LRRC4C: variants seen among roughly 807,000 people sequenced by gnomAD.
The protein encoded by LRRC4C is leucine-rich repeat-containing protein 4C.
LRRC4C carries 5 observed loss-of-function variants against 33.6 expected under a neutral mutation model. That is an observed-to-expected ratio of 0.15 (90% confidence interval 0.08 to 0.31). The LOEUF is 0.31. LRRC4C is among the 10% of genes least tolerant of loss of function. LRRC4C has a pLI of 1.00. For synonymous variants in LRRC4C, 329 were observed against 302.0 expected (o/e 1.09, Z -0.93); for missense variants, 560 against 796.7 (o/e 0.70, Z 3.58).
At chr11:40,956,088 C>T (rs1176000646) in intron 1 of LRRC4C, among the ~76,000 whole-genome samples, 2 of 151,654 alleles carry the variant, frequency 1.3e-5, no homozygotes, top group Non-Finnish European at 2.9e-5. Context: ...GATGAGAAAG[C>T]GAGGTTGAGG....
At chr11:41,029,882 C>T (rs1180464102) in intron 1 of LRRC4C, among the ~76,000 whole-genome samples, 1 of 151,686 alleles carries the variant, frequency 6.6e-6, no homozygotes, top group African/African-American at 2.4e-5. Context: ...CGGGAAAACA[C>T]AAGGAAGCCA....
chr11:41,261,758 CA>C (rs1305089682), intron 1 of LRRC4C, among the ~76,000 whole-genome samples: 3 of 152,042 alleles, frequency 2.0e-5, no homozygotes, highest in African/African-American at 7.2e-5. Context: ...AAGAGGAAAA[CA>C]TTCAGGATTT....
chr11:40,146,966 T>G (rs920130707), intron 5 of LRRC4C, among the ~76,000 whole-genome samples: 7 of 152,176 alleles, frequency 4.6e-5, no homozygotes, highest in African/African-American at 1.7e-4. Context: ...GCTTTCAAAC[T>G]TAAACTTTAC....
At chr11:40,891,075 C>G (rs1268551646) in intron 2 of LRRC4C, among the ~76,000 whole-genome samples, 1 of 151,958 alleles carries the variant, frequency 6.6e-6, no homozygotes, top group Non-Finnish European at 1.5e-5. Context: ...ACTAAAAATA[C>G]AAAAATTAGC....
intron 1 of LRRC4C, among the ~76,000 whole-genome samples, chr11:41,220,770 T>C (rs905102979): frequency 1.3e-5 from 2 of 152,184 alleles, no homozygotes; most frequent in African/African-American, 4.8e-5. Flanking sequence ...ATTTAATGGG[T>C]AATTTTTCAT....
intron 2 of LRRC4C, among the ~76,000 whole-genome samples, chr11:40,876,512 T>G (rs1363094035): frequency 6.6e-6 from 1 of 152,102 alleles, no homozygotes; most frequent in African/African-American, 2.4e-5. Flanking sequence ...AGTGGCAGAT[T>G]GCATTTGTTG....
rs148239642 is a variant in LRRC4C at position 41,155,727 on chromosome 11, G to A, written c.-495-222004C>T. Among the ~76,000 whole-genome samples the A allele has an allele frequency of 6.2e-3, 942 of 152,182 alleles. 15 individuals are homozygous for A. Among genetic ancestry groups the A allele is most frequent in the African/African-American group, 0.022 (894 of 41,548 alleles). ...CTTTTGGTTTTGCAAAAACTCACAG[G>A]ACGTTTCAAGATGGAATACCCAATG... On this transcript the variant is annotated intron_variant, in intron 1 of 6. Transcript: ENST00000528697.
At chr11:40,802,756 C>A (rs780835816) in intron 2 of LRRC4C, among the ~76,000 whole-genome samples, 2 of 151,950 alleles carry the variant, frequency 1.3e-5, no homozygotes, top group African/African-American at 4.8e-5. Flanking sequence ...ATAGGAGTTG[C>A]CAAAACTGTG....
intron 1 of LRRC4C, among the ~76,000 whole-genome samples, chr11:40,940,819 C>A (rs568039104): frequency 6.6e-6 from 1 of 152,050 alleles, no homozygotes; most frequent in South Asian, 2.1e-4. Context: ...TATCCAGTTA[C>A]TAATTATGCA....
intron 5 of LRRC4C, among the ~76,000 whole-genome samples, chr11:40,227,011 A>G (rs1482343963): frequency 6.6e-6 from 1 of 152,138 alleles, no homozygotes; most frequent in Middle Eastern, 3.2e-3. Context: ...TGAGACCTCA[A>G]AGGCTGTTTT....
At chr11:40,658,681 C>A (rs1295109552) in intron 2 of LRRC4C, among the ~76,000 whole-genome samples, 3 of 151,988 alleles carry the variant, frequency 2.0e-5, no homozygotes, top group Non-Finnish European at 4.4e-5. Flanking sequence ...CTCTGGGGGT[C>A]CTTAAACTGG....
At chr11:41,214,483 G>A (rs1002819417) in intron 1 of LRRC4C, among the ~76,000 whole-genome samples, 1 of 149,124 alleles carries the variant, frequency 6.7e-6, no homozygotes, top group African/African-American at 2.5e-5. Context: ...TGTAATCCTA[G>A]CATTTTGGGA....
At chr11:41,232,882 C>T (rs1311416011) in intron 1 of LRRC4C, among the ~76,000 whole-genome samples, 1 of 151,872 alleles carries the variant, frequency 6.6e-6, no homozygotes, top group Non-Finnish European at 1.5e-5. Flanking sequence ...TTTGCCAAGG[C>T]TAATGTTTAG....
chr11:40,503,461 C>A (rs750424323), intron 3 of LRRC4C, among the ~76,000 whole-genome samples: 7 of 152,124 alleles, frequency 4.6e-5, no homozygotes, highest in Non-Finnish European at 1.0e-4. Flanking sequence ...AACCAATTTG[C>A]TGAAAATGCT....
At chr11:40,520,072 A>G (rs562837121) in intron 3 of LRRC4C, among the ~76,000 whole-genome samples, 1 of 152,314 alleles carries the variant, frequency 6.6e-6, no homozygotes, top group Admixed American at 6.5e-5. Context: ...GTCGAAGCCA[A>G]TGCTAATTTA....
chr11:40,161,583 G>A lies in LRRC4C; in HGVS notation c.-95-20730C>T, dbSNP rs192188785. 9.7e-3 allele frequency among the ~76,000 whole-genome samples: 1,471 copies of A among 151,996 alleles called. 6 individuals carry two copies. The highest frequency in any genetic ancestry group is 0.014 in the Non-Finnish European group (943 of 67,952). ...AGCCTGGGCAACACGGTAAGACCCC[G>A]TCTCTACTAAAATACAAAAACTTAG... is the stretch of plus-strand genomic sequence containing the variant. On this transcript the variant is annotated intron_variant, in intron 5 of 6. Coordinates refer to ENST00000528697, the MANE Select transcript of LRRC4C (RefSeq NM_001258419.2).
intron 5 of LRRC4C, among the ~76,000 whole-genome samples, chr11:40,213,868 C>T (rs1288942927): frequency 1.3e-5 from 2 of 152,082 alleles, no homozygotes; most frequent in African/African-American, 4.8e-5. Context: ...ATGTTACATA[C>T]TTGGTCATCC....
At chr11:41,350,800 C>A (rs972372321) in intron 1 of LRRC4C, among the ~76,000 whole-genome samples, 2 of 152,152 alleles carry the variant, frequency 1.3e-5, no homozygotes, top group South Asian at 4.1e-4. Context: ...CCAAACTAAT[C>A]TTCTAGAGCT....
At chr11:40,589,829 G>C (rs935287946) in intron 3 of LRRC4C, among the ~76,000 whole-genome samples, 1 of 149,180 alleles carries the variant, frequency 6.7e-6, no homozygotes, top group African/African-American at 2.5e-5. Flanking sequence ...GGCTTGTAGG[G>C]TTTCTGCCGA....
Sources: allele counts gnomAD v4.1 joint callset (sites outside exome capture counted in the v4.1 genomes callset), GRCh38; gene constraint gnomAD v4.1.1; transcripts MANE v1.5; gene names NCBI Gene and HGNC (gene_info 2026-07-23, HGNC 2026-07-21).